The following LRMDA variants were observed in gnomAD, a reference collection of about 807,000 sequenced individuals.
The protein encoded by LRMDA is leucine-rich melanocyte differentiation-associated protein.
A neutral mutation model predicts 29.8 loss-of-function variants in LRMDA; 18 were observed. That is an observed-to-expected ratio of 0.60 (90% confidence interval 0.42 to 0.90). LRMDA has a LOEUF of 0.90. LRMDA is among the 40% of genes least tolerant of loss of function. The probability of loss-of-function intolerance (pLI) is 0.00; values close to 1 mark genes in which losing one functional copy is unlikely to be tolerated. For missense variants in LRMDA, 273 were observed against 273.9 expected (o/e 1.00, Z 0.02); for synonymous variants, 125 against 109.4 (o/e 1.14, Z -0.89).
At chr10:76,303,125 T>A (rs1480782882) in intron 5 of LRMDA, among the ~76,000 whole-genome samples, 1 of 152,094 alleles carries the variant, frequency 6.6e-6, no homozygotes, top group Non-Finnish European at 1.5e-5. Context: ...GATGTGACTG[T>A]CAGGGCAGAT....
chr10:76,329,061 G>T (rs1232524766), intron 6 of LRMDA, among the ~76,000 whole-genome samples: 1 of 152,144 alleles, frequency 6.6e-6, no homozygotes, highest in African/African-American at 2.4e-5. Flanking sequence ...GGATTCTCAC[G>T]TTCACCTGGA....
intron 2 of LRMDA, among the ~76,000 whole-genome samples, chr10:76,008,303 T>C (rs1847710011): frequency 6.6e-6 from 1 of 152,160 alleles, no homozygotes; most frequent in South Asian, 2.1e-4. Flanking sequence ...GCCTGTAGAC[T>C]GAATAAAATA....
chr10:76,523,000 G>A (rs1199288115), intron 6 of LRMDA, among the ~76,000 whole-genome samples: 4 of 152,102 alleles, frequency 2.6e-5, no homozygotes, highest in African/African-American at 9.7e-5. Context: ...GGGCACTGCA[G>A]ACCAGAGAAA....
chr10:76,049,710 G>A (rs932118258), intron 4 of LRMDA, among the ~76,000 whole-genome samples: 7 of 152,058 alleles, frequency 4.6e-5, no homozygotes, highest in African/African-American at 1.7e-4. Context: ...TGATTCTGGA[G>A]TTCCTGTGGC....
chr10:75,796,155 C>T (rs957773144), intron 2 of LRMDA, among the ~76,000 whole-genome samples: 3 of 149,664 alleles, frequency 2.0e-5, no homozygotes, highest in African/African-American at 7.3e-5. Flanking sequence ...AAAGTTACTT[C>T]TTCCCAATTT....
chr10:75,929,358 A>G (rs1435703408), intron 2 of LRMDA, among the ~76,000 whole-genome samples: 1 of 152,116 alleles, frequency 6.6e-6, no homozygotes, highest in Non-Finnish European at 1.5e-5. Context: ...TCATGTACAA[A>G]TCGGTTTCTT....
intron 2 of LRMDA, among the ~76,000 whole-genome samples, chr10:75,618,124 G>C (rs1841128178): frequency 2.0e-5 from 3 of 152,074 alleles, no homozygotes; most frequent in Admixed American, 2.0e-4. Context: ...TTATGATGCA[G>C]TTCACCTGCT....
intron 2 of LRMDA, among the ~76,000 whole-genome samples, chr10:75,484,552 T>C (rs1206006731): frequency 6.6e-6 from 1 of 152,224 alleles, no homozygotes; most frequent in Non-Finnish European, 1.5e-5. Context: ...TATTATGGAC[T>C]GAATTGTTTC....
At chr10:76,428,461 C>T (rs901677641) in intron 6 of LRMDA, among the ~76,000 whole-genome samples, 1 of 152,088 alleles carries the variant, frequency 6.6e-6, no homozygotes, top group Non-Finnish European at 1.5e-5. Context: ...TTAATTTCAT[C>T]ATTTAACTTC....
intron 2 of LRMDA, among the ~76,000 whole-genome samples, chr10:75,925,811 C>T (rs1256339398): frequency 1.3e-5 from 2 of 151,978 alleles, no homozygotes; most frequent in Admixed American, 1.3e-4. Context: ...TGCCAGCATG[C>T]TTGGCTAGTT....
chr10:76,489,062 C>CT (rs1842808732), intron 6 of LRMDA, among the ~76,000 whole-genome samples: 1 of 151,892 alleles, frequency 6.6e-6, no homozygotes, highest in Non-Finnish European at 1.5e-5. Flanking sequence ...CCCTCTTCCT[C>CT]TATTTTTTGT....
At chr10:76,170,287 G>A (rs1308724138) in intron 5 of LRMDA, among the ~76,000 whole-genome samples, 1 of 152,220 alleles carries the variant, frequency 6.6e-6, no homozygotes, top group African/African-American at 2.4e-5. Context: ...CAGTAGAGAT[G>A]CCTTTGCCAA....
chr10:75,973,192 A>C (rs944999491), intron 2 of LRMDA, among the ~76,000 whole-genome samples: 6 of 152,214 alleles, frequency 3.9e-5, no homozygotes, highest in Admixed American at 3.9e-4. Flanking sequence ...TTTAGTGATG[A>C]GGCATCTGAG....
intron 3 of LRMDA, among the ~76,000 whole-genome samples, chr10:76,046,488 G>C (rs1447425160): frequency 6.6e-6 from 1 of 151,570 alleles, no homozygotes; most frequent in Non-Finnish European, 1.5e-5. Flanking sequence ...TTCTTTTTCT[G>C]GTTTTTTTGT....
chr10:76,468,747 A>G (rs567013489), intron 6 of LRMDA, among the ~76,000 whole-genome samples: 3 of 151,540 alleles, frequency 2.0e-5, no homozygotes, highest in African/African-American at 7.4e-5. Flanking sequence ...CACAGAACAC[A>G]TAAATACACA....
chr10:75,914,137 T>G (rs533964795), intron 2 of LRMDA, among the ~76,000 whole-genome samples: 1 of 152,164 alleles, frequency 6.6e-6, no homozygotes, highest in African/African-American at 2.4e-5. Context: ...GCGCAAGGAT[T>G]TTTTTTTCCT....
At chr10:76,017,114 A>G (rs1410514167) in intron 2 of LRMDA, among the ~76,000 whole-genome samples, 1 of 152,260 alleles carries the variant, frequency 6.6e-6, no homozygotes, top group East Asian at 1.9e-4. Flanking sequence ...CCCTATTTCA[A>G]TACGACTGGT....
At chr10:76,236,198 A>C (rs868260700) in intron 5 of LRMDA, among the ~76,000 whole-genome samples, 33 of 152,202 alleles carry the variant, frequency 2.2e-4, no homozygotes, top group African/African-American at 8.0e-4. Context: ...CAGGGTTAAC[A>C]AGAATTCTGG....
In LRMDA at chr10:75,850,790, GT is replaced by G. The variant is rs572941714; in HGVS notation, c.132-185216del. Among the ~76,000 whole-genome samples the G allele has an allele frequency of 9.9e-5, 15 of 152,238 alleles. No homozygotes were observed. In the South Asian group the frequency reaches 3.1e-3, roughly 32 times the overall value. On this transcript the variant is annotated intron_variant, in intron 2 of 6. Transcript: ENST00000611255. ...TCGGGGCCTTGGGAGCAGAGGAAAG[GT>G]TGTCTGGACAGATCTGGAAGCTGAA...
Sources: allele counts gnomAD v4.1 joint callset (sites outside exome capture counted in the v4.1 genomes callset), GRCh38; gene constraint gnomAD v4.1.1; transcripts MANE v1.5; gene names NCBI Gene and HGNC (gene_info 2026-07-23, HGNC 2026-07-21).